The following FAAH2 variants were observed in gnomAD, a reference collection of about 807,000 sequenced individuals.
FAAH2 encodes the protein fatty-acid amide hydrolase 2.
In FAAH2, 60 loss-of-function variants were observed where a neutral mutation model predicts 36.9. The observed-to-expected ratio is 1.63, with a 90% confidence interval of 1.32 to 2.02. The LOEUF is 2.02. Ranked by LOEUF, FAAH2 falls within the 30% of genes most tolerant of loss-of-function variation. FAAH2 has a pLI of 0.00. For synonymous variants in FAAH2, 214 were observed against 143.8 expected (o/e 1.49, Z -3.49); for missense variants, 689 against 397.5 (o/e 1.73, Z -6.23).
chrX:57,378,706 T>G lies in FAAH2; in HGVS notation c.798T>G (p.Phe266Leu). 5.0e-6 allele frequency: 6 copies of G among 1,211,173 alleles called. No individual in the cohort carries two copies. The highest frequency in any genetic ancestry group is 4.5e-6 in the Non-Finnish European group (4 of 895,151). ...FPLAVGAQELFLCTGPMCRYA... is the reference protein window; with the variant it reads ...FPLAVGAQELLLCTGPMCRYA... ...TGGCTGTGGGAGCCCAGGAGTTGTT[T>G]CTGTGCACTGGTCCTATGTGCCGTT... is the stretch of plus-strand genomic sequence containing the variant. The change falls in exon 6 of 11, where the codon TTT (phenylalanine) becomes TTG (leucine). Residue 266 changes from phenylalanine (F) to leucine (L), a missense_variant. Coordinates refer to ENST00000374900, the MANE Select transcript of FAAH2 (RefSeq NM_174912.4).
chrX:57,179,802 G>A, the FAAH2 span, among the ~76,000 whole-genome samples: 1 of 111,441 alleles, frequency 9.0e-6, no homozygotes, highest in African/African-American at 3.3e-5. Flanking sequence ...CCACCCAAAA[G>A]CAACAGAATA....
intron 10 of FAAH2, among the ~76,000 whole-genome samples, chrX:57,478,613 G>A (rs770045540): frequency 9.0e-6 from 1 of 111,618 alleles, no homozygotes; most frequent in Admixed American, 9.5e-5. Flanking sequence ...GGGTTTTTAT[G>A]GTTTTAGGTG....
chrX:57,359,455 T>A (rs186177204), intron 5 of FAAH2, among the ~76,000 whole-genome samples: 14 of 111,972 alleles, frequency 1.3e-4, no homozygotes, highest in African/African-American at 4.5e-4. Flanking sequence ...CGCTATTGAT[T>A]TCTAGTTTTA....
the FAAH2 span, among the ~76,000 whole-genome samples, chrX:57,143,275 C>T: frequency 5.4e-5 from 6 of 110,100 alleles, no homozygotes; most frequent in East Asian, 1.7e-3. Flanking sequence ...ATATTTGTTA[C>T]AGGCTTTTGC....
At chrX:57,419,052 A>T (rs1213248050) in intron 7 of FAAH2, among the ~76,000 whole-genome samples, 2 of 106,079 alleles carry the variant, frequency 1.9e-5, no homozygotes, top group Non-Finnish European at 3.9e-5. Flanking sequence ...TGAACTCATC[A>T]TTTTTTATGG....
the FAAH2 span, among the ~76,000 whole-genome samples, chrX:57,207,245 A>T: frequency 1.8e-5 from 2 of 111,218 alleles, no homozygotes; most frequent in African/African-American, 6.5e-5. Context: ...CCCTAAATTT[A>T]TAGGTACAGA....
the FAAH2 span, among the ~76,000 whole-genome samples, chrX:57,213,434 G>A: frequency 9.0e-6 from 1 of 111,300 alleles, no homozygotes; most frequent in African/African-American, 3.3e-5. Context: ...GTTAATTTGT[G>A]ATCTTTCCAT....
the FAAH2 span, among the ~76,000 whole-genome samples, chrX:57,165,925 GC>G: frequency 9.1e-6 from 1 of 110,084 alleles, no homozygotes; most frequent in Non-Finnish European, 1.9e-5. Context: ...GGCCTGCCAT[GC>G]CCCCCATCCT....
intron 7 of FAAH2, among the ~76,000 whole-genome samples, chrX:57,400,384 G>C (rs1035222342): frequency 8.9e-6 from 1 of 112,057 alleles, no homozygotes; most frequent in African/African-American, 3.2e-5. Flanking sequence ...TTACAAGCTG[G>C]CCCCTCGGAC....
chrX:57,390,171 A>G (rs2055130880), intron 7 of FAAH2, among the ~76,000 whole-genome samples: 1 of 111,442 alleles, frequency 9.0e-6, no homozygotes, highest in Non-Finnish European at 1.9e-5. Context: ...TCTTTGTGTG[A>G]AAATACTTTT....
chrX:57,485,705 T>C (rs2057461891), intron 10 of FAAH2, among the ~76,000 whole-genome samples: 1 of 112,258 alleles, frequency 8.9e-6, no homozygotes, highest in Non-Finnish European at 1.9e-5. Context: ...ACTTCTGAAT[T>C]CATTATCAGT....
At chrX:57,336,905 A>G (rs936960195) in intron 4 of FAAH2, among the ~76,000 whole-genome samples, 1 of 110,983 alleles carries the variant, frequency 9.0e-6, no homozygotes, top group Non-Finnish European at 1.9e-5. Context: ...TTAGAGCAGA[A>G]CTGAAGGAGA....
intron 7 of FAAH2, 139 bp from the exon 8 acceptor site, chrX:57,431,779 G>GTTTGTTTGT: frequency 1.2e-5 from 1 of 83,469 alleles, no homozygotes; most frequent in Non-Finnish European, 2.2e-5. Flanking sequence ...TTGTTTTTTT[G>GTTTGTTTGT]TTTTTTTGTT....
chrX:57,187,942 T>C, the FAAH2 span, among the ~76,000 whole-genome samples: 3 of 111,869 alleles, frequency 2.7e-5, no homozygotes, highest in Admixed American at 1.9e-4. Flanking sequence ...AGCTTTTTGA[T>C]GTGCTGCTAG....
the FAAH2 span, among the ~76,000 whole-genome samples, chrX:57,152,736 G>A: frequency 9.9e-5 from 11 of 111,653 alleles, no homozygotes; most frequent in Non-Finnish European, 2.1e-4. Flanking sequence ...GCAATGCCTC[G>A]CCCTGCTTTA....
At chrX:57,275,893 C>A in the FAAH2 span, among the ~76,000 whole-genome samples, 2 of 111,872 alleles carry the variant, frequency 1.8e-5, no homozygotes, top group East Asian at 5.6e-4. Context: ...TATCTATGCA[C>A]CCAATACAGG....
the FAAH2 span, among the ~76,000 whole-genome samples, chrX:57,265,811 C>T: frequency 9.0e-6 from 1 of 111,729 alleles, no homozygotes; most frequent in African/African-American, 3.3e-5. Context: ...GGAAGTGGTA[C>T]ACCAGCACAG....
intron 3 of FAAH2, among the ~76,000 whole-genome samples, chrX:57,325,009 G>A (rs188253842): frequency 0.012 from 1,310 of 111,877 alleles, 18 homozygotes; most frequent in South Asian, 0.024. Flanking sequence ...TTTGAGATAC[G>A]TCCCATCAAT....
At chrX:57,242,778 C>T in the FAAH2 span, among the ~76,000 whole-genome samples, 1 of 112,311 alleles carries the variant, frequency 8.9e-6, no homozygotes, top group African/African-American at 3.2e-5. Flanking sequence ...CCAGGAGATT[C>T]CCTCGGTGCC....
Sources: allele counts gnomAD v4.1 joint callset (sites outside exome capture counted in the v4.1 genomes callset), GRCh38; gene constraint gnomAD v4.1.1; transcripts MANE v1.5; gene names NCBI Gene and HGNC (gene_info 2026-07-23, HGNC 2026-07-21).